Variants in ABCD2 observed in about 807,000 individuals in gnomAD.
The protein encoded by ABCD2 is ATP-binding cassette sub-family D member 2.
A neutral mutation model predicts 70.9 loss-of-function variants in ABCD2; 36 were observed. The observed-to-expected ratio is 0.51, with a 90% confidence interval of 0.39 to 0.67. The LOEUF (loss-of-function observed/expected upper bound fraction) is 0.67, where lower values mean the gene tolerates loss of function less well. Among genes scored for constraint, ABCD2 ranks in the 30% least tolerant of loss-of-function variants. The probability of loss-of-function intolerance (pLI) is 0.00; values close to 1 mark genes in which losing one functional copy is unlikely to be tolerated. For missense variants in ABCD2, 729 were observed against 890.2 expected, an observed-to-expected ratio of 0.82 and a Z score of 2.30; for synonymous variants, 304 against 306.9, an observed-to-expected ratio of 0.99 and a Z score of 0.10.
chr12:39,549,362 ACAT>A (rs1941057782), downstream of ABCD2, among the ~76,000 whole-genome samples: 1 of 151,972 alleles, frequency 6.6e-6, no homozygotes, highest in Non-Finnish European at 1.5e-5. Context: ...TGGAGTCACA[ACAT>A]CTAACTGGCA....
intron 5 of ABCD2, among the ~76,000 whole-genome samples, chr12:39,603,473 C>T (rs1346828888): frequency 6.6e-6 from 1 of 151,880 alleles, no homozygotes; most frequent in Admixed American, 6.6e-5. Flanking sequence ...TATAATAGTA[C>T]ATTAGTACAT....
chr12:39,564,528 A>C (rs1268360850), intron 9 of ABCD2, among the ~76,000 whole-genome samples: 1 of 152,178 alleles, frequency 6.6e-6, no homozygotes, highest in Non-Finnish European at 1.5e-5. Flanking sequence ...TCTGGATATT[A>C]GCCATTTGTC....
At chr12:39,615,527 A>G (rs1190545523) in intron 2 of ABCD2, among the ~76,000 whole-genome samples, 1 of 152,066 alleles carries the variant, frequency 6.6e-6, no homozygotes, top group Non-Finnish European at 1.5e-5. Context: ...AATTCTTTTT[A>G]GTAAATTTTG....
intron 2 of ABCD2, among the ~76,000 whole-genome samples, chr12:39,616,045 A>G (rs923464294): frequency 6.6e-6 from 1 of 152,154 alleles, no homozygotes; most frequent in Non-Finnish European, 1.5e-5. Context: ...ACTAAGGTAT[A>G]GAGAGTTTAA....
chr12:39,611,526 C>T, intron 2 of ABCD2, among the ~76,000 whole-genome samples: 1 of 152,044 alleles, frequency 6.6e-6, no homozygotes, highest in East Asian at 1.9e-4. Flanking sequence ...TAACCTGCGC[C>T]TATCCTCCAC....
chr12:39,579,287 G>A (rs1203579921), intron 8 of ABCD2, among the ~76,000 whole-genome samples: 2 of 152,198 alleles, frequency 1.3e-5, no homozygotes, highest in Middle Eastern at 3.2e-3. Context: ...GCTTGGGCCT[G>A]GGAGACGGAG....
intron 6 of ABCD2, among the ~76,000 whole-genome samples, chr12:39,592,314 A>G (rs76696959): frequency 4.4e-4 from 67 of 152,362 alleles, no homozygotes; most frequent in African/African-American, 1.5e-3. Context: ...GAATTTTGCA[A>G]CATACCTACT....
intron 6 of ABCD2, among the ~76,000 whole-genome samples, chr12:39,594,087 G>C (rs1207371243): frequency 6.6e-6 from 1 of 152,130 alleles, no homozygotes; most frequent in Non-Finnish European, 1.5e-5. Context: ...ACCACAGCTT[G>C]ATATTAGTAC....
chr12:39,539,404 A>C, the ABCD2 span, among the ~76,000 whole-genome samples: 3 of 152,342 alleles, frequency 2.0e-5, no homozygotes, highest in Admixed American at 1.3e-4. Context: ...ATGGGCCCGT[A>C]AAATCTGGTT....
rs183234200 is a variant in ABCD2 at position 39,609,784 on chromosome 12, C to T, written c.1121-2070G>A. 7.2e-4 allele frequency among the ~76,000 whole-genome samples: 109 copies of T among 152,252 alleles called. 1 individual carries two copies. The highest frequency in any genetic ancestry group is 2.5e-3 in the African/African-American group (105 of 41,550). Reference sequence around the variant, plus strand: ...TATTTTTACTTTTTTTGCACATAGACAGCTCAACTTATTTTGAAAGGGATA... The same window carrying T: ...TATTTTTACTTTTTTTGCACATAGATAGCTCAACTTATTTTGAAAGGGATA... On this transcript the variant is annotated intron_variant, in intron 2 of 9. Coordinates refer to ENST00000308666, the MANE Select transcript of ABCD2 (RefSeq NM_005164.4).
rs200587699 is a variant in ABCD2 at position 39,566,858 on chromosome 12, AT to A, written c.2003+6857del. The stretch of plus-strand genomic sequence containing the variant: ...TTTGTTCTCATTGGTTTCAAAGAAT[AT>A]CTTTATTTCTGCCTTCATTTTGTTA... On this transcript the variant is annotated intron_variant, in intron 9 of 9. Transcript: ENST00000308666. 2.0e-5 allele frequency among the ~76,000 whole-genome samples: 3 copies of A among 152,268 alleles called. No individual in the cohort carries two copies. The East Asian group carries it at 5.8e-4, about 29-fold the overall frequency.
intron 9 of ABCD2, among the ~76,000 whole-genome samples, chr12:39,563,439 A>G (rs1941291205): frequency 6.6e-6 from 1 of 152,164 alleles, no homozygotes; most frequent in South Asian, 2.1e-4. Flanking sequence ...AAGATACGGA[A>G]CAAGGTAAGA....
At chr12:39,604,143 A>G in intron 4 of ABCD2, 137 bp from the exon 5 acceptor site, 1 of 649,278 alleles carries the variant, frequency 1.5e-6, no homozygotes, top group Non-Finnish European at 2.6e-6. Context: ...ACAAATGTAA[A>G]TATAGATATC....
In ABCD2 at chr12:39,553,930, A is replaced by G. The variant is rs749785103; in HGVS notation, c.2205T>C (p.Asn735=). The G allele has an allele frequency of 6.2e-7, 1 of 1,609,972 alleles. No individual in the cohort carries two copies. Among genetic ancestry groups the G allele is most frequent in the East Asian group, 2.2e-5 (1 of 44,744 alleles). Residue 735 remains asparagine, a synonymous_variant, in exon 10 of 10, where the codon AAT becomes AAC. Transcript: ENST00000308666. The part of the protein sequence containing the change: ...GEDSVLKTIK[N]EDETS ...AAACAAATTAAGATGTCTCATCTTC[A>G]TTTTTAATTGTTTTCAGCACTGAGT...
In ABCD2 at chr12:39,607,649, G is replaced by A. The variant is rs760075488; in HGVS notation, c.1186C>T (p.Leu396=). The A allele has an allele frequency of 3.7e-6, 6 of 1,611,544 alleles. No individual in the cohort carries two copies. The African/African-American group carries it at 6.7e-5, about 18-fold the overall frequency. ...TEAFTTARNL[L]ASGADAIERI... ...TCAATAGCATCAGCTCCAGAGGCCA[G>A]TAAATTTCGAGCAGTGGTAAAGGCT... is the stretch of plus-strand genomic sequence containing the variant. Residue 396 remains leucine, a synonymous_variant, in exon 3 of 10, where the codon CTG becomes TTG. Coordinates refer to ENST00000308666, the MANE Select transcript of ABCD2 (RefSeq NM_005164.4).
intron 8 of ABCD2, among the ~76,000 whole-genome samples, chr12:39,575,229 G>A (rs1200425786): frequency 1.3e-5 from 2 of 151,920 alleles, no homozygotes; most frequent in Admixed American, 6.6e-5. Flanking sequence ...TGCCTTGATC[G>A]AAACAGAGAA....
At chr12:39,546,973 G>A (rs1438589253), downstream of ABCD2, among the ~76,000 whole-genome samples, 4 of 152,118 alleles carry the variant, frequency 2.6e-5, no homozygotes, top group Non-Finnish European at 2.9e-5. Flanking sequence ...CCAGATCATG[G>A]TGGGCCTTAA....
In ABCD2 at chr12:39,604,792, A is replaced by G; in HGVS notation, c.1375T>C (p.Leu459=). The change falls in exon 4 of 10, where the codon TTA becomes CTA. Residue 459 remains leucine, a synonymous_variant. Transcript: ENST00000308666. ...SHSKNGAKVE[L]PLSDTLAIKG... is the part of the protein sequence containing the mutation. ...ATTGCCAATGTGTCACTGAGAGGTAATTCTACCTTAGCTCCATTCTTGCTA... is the reference window on the plus strand; with the variant it reads ...ATTGCCAATGTGTCACTGAGAGGTAGTTCTACCTTAGCTCCATTCTTGCTA... The G allele has an allele frequency of 1.2e-6, 2 of 1,606,914 alleles. No homozygotes were observed. The highest frequency in any genetic ancestry group is 1.7e-5 in the Admixed American group (1 of 58,158).
In ABCD2 at chr12:39,619,597, C is replaced by A. The variant is rs749041653; in HGVS notation, c.19G>T (p.Ala7Ser). 6.2e-7 allele frequency: 1 copy of A among 1,609,110 alleles called. No homozygotes were observed. Among genetic ancestry groups the A allele is most frequent in the African/African-American group, 1.3e-5 (1 of 75,006 alleles). MTHMLN[A>S]AADRVKWTRS... is the part of the protein sequence containing the mutation. ...GTCCATTTCACTCGATCAGCTGCTG[C>A]ATTTAGCATATGTGTCATTTTCCCA... The change falls in exon 1 of 10, where the codon GCA (alanine) becomes TCA (serine). Residue 7 changes from alanine (A) to serine (S), a missense_variant. Physicochemically the swap from Ala to Ser is moderately conservative, Grantham distance 99 (BLOSUM62 1). Around this residue, in one of 3 missense-constraint regions of ABCD2, gnomAD observed 245 missense variants for 261.2 expected, o/e 0.94. Transcript: ENST00000308666.
Sources: allele counts gnomAD v4.1 joint callset (sites outside exome capture counted in the v4.1 genomes callset), GRCh38; gene constraint gnomAD v4.1.1; regional missense constraint gnomAD v4.1.1; transcripts MANE v1.5; gene names NCBI Gene and HGNC (gene_info 2026-07-23, HGNC 2026-07-21).